ECM2: variants seen among roughly 807,000 people sequenced by gnomAD.
The protein encoded by ECM2 is extracellular matrix protein 2, female organ and adipocyte specific.
A neutral mutation model predicts 67.5 loss-of-function variants in ECM2; 57 were observed. The ratio of observed to expected loss-of-function variants is 0.84; its 90% CI spans 0.68 to 1.05. The LOEUF (loss-of-function observed/expected upper bound fraction) is 1.05. ECM2 is among the 50% of genes least tolerant of loss of function. The pLI is 0.00. For synonymous variants in ECM2, 258 were observed against 294.5 expected (o/e 0.88, Z 1.27); for missense variants, 741 against 822.8 (o/e 0.90, Z 1.22).
chr9:92,525,893 CAAAA>C (rs71362395), intron 1 of ECM2, among the ~76,000 whole-genome samples: 1 of 43,906 alleles, frequency 2.3e-5, no homozygotes, highest in Non-Finnish European at 4.8e-5. Context: ...ACTCTATCTC[CAAAA>C]AAAAAAAAAA....
At chr9:92,496,688 G>T (rs901903871) in intron 9 of ECM2, among the ~76,000 whole-genome samples, 12 of 152,212 alleles carry the variant, frequency 7.9e-5, no homozygotes, top group Admixed American at 3.3e-4. Context: ...CACACCCTCT[G>T]ACTCGGGAGA....
chr9:92,494,287 T>C (rs1173103703), downstream of ECM2: 1 of 714,462 alleles, frequency 1.4e-6, no homozygotes, highest in African/African-American at 1.8e-5. Context: ...ACAGCTTAGA[T>C]TGCCTTAAAC....
chr9:92,516,386 C>G (rs1847723603), intron 3 of ECM2, among the ~76,000 whole-genome samples: 1 of 152,054 alleles, frequency 6.6e-6, no homozygotes, highest in Non-Finnish European at 1.5e-5. Context: ...TTTCTTCCAT[C>G]AAGATTTAAA....
the ECM2 span, among the ~76,000 whole-genome samples, chr9:92,545,632 G>A: frequency 1.3e-5 from 2 of 152,242 alleles, no homozygotes; most frequent in African/African-American, 4.8e-5. Flanking sequence ...AGGAGTGCGG[G>A]CACAGGGCGC....
intron 3 of ECM2, among the ~76,000 whole-genome samples, chr9:92,516,139 C>A (rs1847703256): frequency 6.6e-6 from 1 of 151,684 alleles, no homozygotes. Context: ...TCTCGGCTCA[C>A]TGCACCCTCC....
intron 8 of ECM2, 84 bp downstream of exon 8, chr9:92,502,429 C>T (rs1246758028): frequency 6.6e-7 from 1 of 1,510,566 alleles, no homozygotes; most frequent in African/African-American, 1.4e-5. Flanking sequence ...CCTCACTTAT[C>T]CCATTCCCAG....
At chr9:92,512,195 T>G in intron 4 of ECM2, 69 bp from the exon 5 acceptor site, 1 of 1,011,392 alleles carries the variant, frequency 9.9e-7, no homozygotes, top group Non-Finnish European at 1.5e-6. Flanking sequence ...TGTATGGGCA[T>G]GTGTGCATAG....
intron 1 of ECM2, among the ~76,000 whole-genome samples, chr9:92,530,407 GA>G (rs1489110714): frequency 2.6e-5 from 4 of 151,986 alleles, no homozygotes; most frequent in Non-Finnish European, 5.9e-5. Context: ...AAACTGCTTT[GA>G]AAAAAAGTCT....
At chr9:92,497,910 C>T (rs1450411885) in intron 9 of ECM2, among the ~76,000 whole-genome samples, 1 of 151,370 alleles carries the variant, frequency 6.6e-6, no homozygotes, top group South Asian at 2.1e-4. Flanking sequence ...TGGCACCTCC[C>T]CATTCTTTTT....
upstream of ECM2, among the ~76,000 whole-genome samples, chr9:92,540,832 G>C (rs1563995436): frequency 6.6e-6 from 1 of 152,042 alleles, no homozygotes; most frequent in Non-Finnish European, 1.5e-5. Flanking sequence ...CCTAGATCAG[G>C]AGATAACTGT....
chr9:92,500,068 G>GCTT (rs1331029255), intron 9 of ECM2, among the ~76,000 whole-genome samples: 3 of 152,172 alleles, frequency 2.0e-5, no homozygotes, highest in African/African-American at 7.2e-5. Context: ...TACGTTTTAT[G>GCTT]CTTTATAGAT....
At chr9:92,514,274 CTT>C (rs1044226766) in intron 4 of ECM2, among the ~76,000 whole-genome samples, 18 of 130,706 alleles carry the variant, frequency 1.4e-4, no homozygotes, top group Admixed American at 1.5e-4. Flanking sequence ...GAGTCATTTA[CTT>C]TTTTTTTTTT....
At chr9:92,526,191 A>G (rs1848398702) in intron 1 of ECM2, among the ~76,000 whole-genome samples, 1 of 152,170 alleles carries the variant, frequency 6.6e-6, no homozygotes, top group South Asian at 2.1e-4. Flanking sequence ...TCCAGACCCA[A>G]TGAAGGCCTA....
At chr9:92,534,078 ACT>A (rs778858633) in intron 1 of ECM2, among the ~76,000 whole-genome samples, 6 of 151,822 alleles carry the variant, frequency 4.0e-5, no homozygotes, top group Non-Finnish European at 8.8e-5. Context: ...AGCTCTCTTC[ACT>A]CTGTTTTCTC....
chr9:92,516,866 T>C (rs773964675), intron 3 of ECM2: 1 of 152,220 alleles, frequency 6.6e-6, no homozygotes, highest in Non-Finnish European at 1.5e-5. Flanking sequence ...AAGGAGACTT[T>C]TGTAGACACC....
chr9:92,511,452 T>C (rs2131192542), intron 5 of ECM2, among the ~76,000 whole-genome samples: 1 of 151,514 alleles, frequency 6.6e-6, no homozygotes, highest in Non-Finnish European at 1.5e-5. Flanking sequence ...AAATATATAA[T>C]TAGTCCAATC....
intron 7 of ECM2, among the ~76,000 whole-genome samples, chr9:92,503,109 A>C (rs1157877898): frequency 6.6e-6 from 1 of 152,168 alleles, no homozygotes; most frequent in African/African-American, 2.4e-5. Flanking sequence ...TTTTATAACT[A>C]ATTAGTAAAA....
intron 1 of ECM2, among the ~76,000 whole-genome samples, chr9:92,535,327 CT>C (rs1162981986): frequency 6.6e-6 from 1 of 152,096 alleles, no homozygotes; most frequent in Non-Finnish European, 1.5e-5. Flanking sequence ...TTAATATTTG[CT>C]TTCATAAACA....
chr9:92,497,290 C>A (rs923423051), intron 9 of ECM2, among the ~76,000 whole-genome samples: 1 of 150,936 alleles, frequency 6.6e-6, no homozygotes, highest in African/African-American at 2.4e-5. Flanking sequence ...TGAAGAAATT[C>A]TCTACATACT....
Sources: gnomAD v4.1 joint callset for allele counts (sites outside exome capture counted in the v4.1 genomes callset) on GRCh38, gnomAD v4.1.1 for gene constraint, MANE v1.5 for transcripts, NCBI Gene and HGNC (gene_info 2026-07-23, HGNC 2026-07-21) for gene names.